The following SLCO5A1 variants were observed in gnomAD, a reference collection of about 807,000 sequenced individuals.
SLCO5A1 encodes solute carrier organic anion transporter family member 5A1.
In SLCO5A1, 39 loss-of-function variants were observed where a neutral mutation model predicts 65.1. That is an observed-to-expected ratio of 0.60 (90% CI 0.46 to 0.78). The LOEUF (loss-of-function observed/expected upper bound fraction) is 0.78, where lower values mean the gene tolerates loss of function less well. SLCO5A1 is among the 30% of genes least tolerant of loss of function. The pLI, the probability that SLCO5A1 is intolerant of heterozygous loss-of-function variation, is 0.00. For missense variants in SLCO5A1, 1,029 were observed against 1,069.4 expected, an observed-to-expected ratio of 0.96 and a Z score of 0.53; for synonymous variants, 438 against 415.7, an observed-to-expected ratio of 1.05 and a Z score of -0.65.
At chr8:69,699,934 C>T (rs1267023818) in intron 6 of SLCO5A1, among the ~76,000 whole-genome samples, 1 of 152,134 alleles carries the variant, frequency 6.6e-6, no homozygotes, top group African/African-American at 2.4e-5. Flanking sequence ...GCCTGGGCAA[C>T]ATAGAGTGAC....
intron 2 of SLCO5A1, among the ~76,000 whole-genome samples, chr8:69,823,531 G>T (rs1409706980): frequency 6.6e-6 from 1 of 152,102 alleles, no homozygotes; most frequent in Non-Finnish European, 1.5e-5. Context: ...GACAAAGAAG[G>T]CCATTACATA....
chr8:69,723,714 G>T (rs2130828918), intron 5 of SLCO5A1, among the ~76,000 whole-genome samples: 1 of 151,364 alleles, frequency 6.6e-6, no homozygotes, highest in East Asian at 1.9e-4. Flanking sequence ...CTCTTTCCTT[G>T]AAGTTTTTCC....
At chr8:69,819,983 C>G (rs377580514) in intron 2 of SLCO5A1, among the ~76,000 whole-genome samples, 3 of 152,230 alleles carry the variant, frequency 2.0e-5, no homozygotes, top group African/African-American at 7.2e-5. Context: ...CAAAACAAAA[C>G]AGTTCTGTAT....
At chr8:69,768,221 G>A (rs1215568191) in intron 2 of SLCO5A1, among the ~76,000 whole-genome samples, 2 of 152,312 alleles carry the variant, frequency 1.3e-5, no homozygotes, top group Non-Finnish European at 2.9e-5. Flanking sequence ...AACAGAGTAA[G>A]ACCTTGCCTC....
chr8:69,786,160 T>C (rs530854043), intron 2 of SLCO5A1, among the ~76,000 whole-genome samples: 5 of 152,324 alleles, frequency 3.3e-5, no homozygotes, highest in South Asian at 4.1e-4. Flanking sequence ...GAAACTTGTA[T>C]ATAAAAATGT....
rs1183521416 is a variant in SLCO5A1 at position 69,832,899 on chromosome 8, C to A, written c.-226G>T. ...CTCCGCAGCCGCGTGCCACAGGGGG[C>A]AGGGGTCCGCGCGGTACTGCGATGA... is the stretch of plus-strand genomic sequence containing the variant. On this transcript the variant is annotated 5_prime_UTR_variant, in exon 2 of 10. Coordinates refer to ENST00000260126, the MANE Select transcript of SLCO5A1 (RefSeq NM_030958.3). This position sits in a 1 kb window ranked among gnomAD's most constrained non-coding sequence, Gnocchi z 4.5. 1.9e-5 allele frequency: 11 copies of A among 588,586 alleles called. No homozygotes were observed. In the South Asian group the frequency reaches 2.0e-4, roughly 11 times the overall value. The allele number at this position is 588,586 out of a possible 1,614,324, so 36.5% of individuals were successfully genotyped here. A position where few individuals can be genotyped will look rare whatever the true frequency, so the allele number is the denominator to read the frequency against.
intron 2 of SLCO5A1, among the ~76,000 whole-genome samples, chr8:69,824,218 T>C (rs1178430614): frequency 6.6e-6 from 1 of 151,766 alleles, no homozygotes; most frequent in African/African-American, 2.4e-5. Context: ...TTAAAAGAAC[T>C]AGAGAAGCAA....
At chr8:69,826,537 C>T (rs1255835078) in intron 2 of SLCO5A1, among the ~76,000 whole-genome samples, 2 of 151,984 alleles carry the variant, frequency 1.3e-5, no homozygotes, top group African/African-American at 2.4e-5. Context: ...AAAATGCTCA[C>T]CATCACTGGC....
At chr8:69,688,230 T>C (rs35144285) in intron 6 of SLCO5A1, among the ~76,000 whole-genome samples, 6,071 of 152,244 alleles carry the variant, frequency 0.04, 231 homozygotes, top group African/African-American at 0.097. Context: ...CAAAAACATG[T>C]ATGTCTATGC....
chr8:69,755,143 T>C (rs1247991732), intron 4 of SLCO5A1, among the ~76,000 whole-genome samples: 4 of 152,224 alleles, frequency 2.6e-5, no homozygotes, highest in Non-Finnish European at 4.4e-5. Context: ...ATTTCTAGTC[T>C]GTCATCTACT....
intron 2 of SLCO5A1, among the ~76,000 whole-genome samples, chr8:69,820,788 A>G (rs1444746109): frequency 6.6e-6 from 1 of 152,228 alleles, no homozygotes; most frequent in Non-Finnish European, 1.5e-5. Flanking sequence ...TATTAAAATC[A>G]TATATGTGTA....
chr8:69,686,368 C>T (rs978327444), intron 6 of SLCO5A1, among the ~76,000 whole-genome samples: 5 of 152,102 alleles, frequency 3.3e-5, no homozygotes, highest in Non-Finnish European at 7.4e-5. Context: ...TTTTCAATGC[C>T]ACTTAAATTT....
chr8:69,768,398 A>G (rs1295618458), intron 2 of SLCO5A1, among the ~76,000 whole-genome samples: 1 of 152,224 alleles, frequency 6.6e-6, no homozygotes, highest in African/African-American at 2.4e-5. Flanking sequence ...ACATCAAAGG[A>G]ATGCCCATCA....
intron 5 of SLCO5A1, among the ~76,000 whole-genome samples, chr8:69,731,201 T>C (rs568369656): frequency 6.6e-6 from 1 of 152,318 alleles, no homozygotes; most frequent in South Asian, 2.1e-4. Flanking sequence ...GGTTTCGCCA[T>C]GCTGGCCAGG....
intron 2 of SLCO5A1, among the ~76,000 whole-genome samples, chr8:69,820,658 C>A (rs956325390): frequency 7.9e-5 from 12 of 151,592 alleles, no homozygotes; most frequent in Admixed American, 5.9e-4. Flanking sequence ...ATAATGAGAC[C>A]ATGTCTCTAC....
chr8:69,679,122 G>T (rs1004940994), intron 8 of SLCO5A1, among the ~76,000 whole-genome samples: 2 of 152,170 alleles, frequency 1.3e-5, no homozygotes, highest in Non-Finnish European at 2.9e-5. Flanking sequence ...AACATCAAAA[G>T]ACGTTTCATT....
intron 3 of SLCO5A1, among the ~76,000 whole-genome samples, chr8:69,760,447 A>G (rs866036189): frequency 5.1e-4 from 78 of 152,234 alleles, no homozygotes; most frequent in African/African-American, 1.9e-3. Context: ...GTTAAACATT[A>G]TTCCTACCAA....
intron 6 of SLCO5A1, among the ~76,000 whole-genome samples, chr8:69,697,631 G>A (rs1188484180): frequency 6.6e-6 from 1 of 152,046 alleles, no homozygotes; most frequent in Non-Finnish European, 1.5e-5. Flanking sequence ...ATTATAAGAA[G>A]GCTCCATCCA....
chr8:69,682,065 G>T, intron 7 of SLCO5A1, 119 bp downstream of exon 7: 2 of 1,064,094 alleles, frequency 1.9e-6, no homozygotes, highest in Non-Finnish European at 2.7e-6. Flanking sequence ...GTATTTTGTA[G>T]GTTACTTGGA....
Sources: gnomAD v4.1 joint callset for allele counts (sites outside exome capture counted in the v4.1 genomes callset) on GRCh38, gnomAD v4.1.1 for gene constraint, Gnocchi (gnomAD v3.1) non-coding constraint, MANE v1.5 for transcripts, NCBI Gene and HGNC (gene_info 2026-07-23, HGNC 2026-07-21) for gene names.